TXNL4A: variants seen among roughly 807,000 people sequenced by gnomAD.
TXNL4A encodes thioredoxin like 4A.
A neutral mutation model predicts 14.6 loss-of-function variants in TXNL4A; 17 were observed. The ratio of observed to expected loss-of-function variants is 1.16; its 90% CI spans 0.80 to 1.74. The LOEUF is 1.74. Ranked by LOEUF, TXNL4A falls within the 40% of genes most tolerant of loss-of-function variation. The pLI is 0.00. For missense variants in TXNL4A, 74 were observed against 195.2 expected (o/e 0.38, Z 3.70); for synonymous variants, 83 against 70.6 (o/e 1.18, Z -0.88).
chr18:79,991,697 C>T (rs1282843583), upstream of TXNL4A, among the ~76,000 whole-genome samples: 7 of 152,336 alleles, frequency 4.6e-5, no homozygotes, highest in East Asian at 1.3e-3. Context: ...AAATTGGCTA[C>T]ACCATTTTAC....
intron 1 of TXNL4A, among the ~76,000 whole-genome samples, chr18:80,010,824 T>C (rs376654864): frequency 1.5e-3 from 221 of 152,284 alleles, no homozygotes; most frequent in African/African-American, 5.1e-3. Context: ...CTATTTTATG[T>C]GGGGATAAGG....
intron 2 of TXNL4A, 130 bp from the exon 3 acceptor site, chr18:79,973,986 G>C: frequency 8.0e-7 from 1 of 1,250,236 alleles, no homozygotes; most frequent in Non-Finnish European, 1.1e-6. Context: ...ATAAAATCGA[G>C]AGTGTATGCC....
intron 1 of TXNL4A, among the ~76,000 whole-genome samples, chr18:80,002,824 C>T (rs919530): frequency 0.78 from 119,461 of 152,234 alleles, 47,601 homozygotes; most frequent in East Asian, 0.91. Context: ...TCCTGGCTTT[C>T]CACTTCACGG....
rs2051293082 is a variant in TXNL4A, at chr18:79,970,819, G to A, written c.*2866C>T. 9.6e-6 allele frequency: 2 copies of A among 208,998 alleles called. No individual in the cohort carries two copies. Among genetic ancestry groups the A allele is most frequent in the South Asian group, 1.3e-4 (1 of 7,700 alleles). 12.9% of individuals were successfully genotyped at this position (208,998 alleles called of 1,614,324 possible). A position where few individuals can be genotyped will look rare whatever the true frequency, so the allele number is the denominator to read the frequency against. ...TACAATAAACTTACAAATGTGGAATGTAATTATTTTATCTTTTTCTGGTAA... is the reference window on the plus strand; with the variant it reads ...TACAATAAACTTACAAATGTGGAATATAATTATTTTATCTTTTTCTGGTAA... On this transcript the variant is annotated 3_prime_UTR_variant, in exon 3 of 3. Transcript: ENST00000269601.
chr18:79,984,366 A>G (rs1035928613), intron 1 of TXNL4A, among the ~76,000 whole-genome samples: 1 of 151,420 alleles, frequency 6.6e-6, no homozygotes, highest in African/African-American at 2.4e-5. Context: ...GGCTGAGGTG[A>G]CTGGCTCACT....
intron 1 of TXNL4A, among the ~76,000 whole-genome samples, chr18:80,028,719 T>C (rs924520693): frequency 1.3e-5 from 2 of 152,240 alleles, no homozygotes; most frequent in Admixed American, 1.3e-4. Context: ...TGGTTGTCAA[T>C]TGGCAAAATA....
chr18:79,980,366 C>G (rs1407577052), intron 1 of TXNL4A, among the ~76,000 whole-genome samples: 3 of 152,198 alleles, frequency 2.0e-5, no homozygotes, highest in Non-Finnish European at 1.5e-5. Context: ...ATATGCACAA[C>G]ATTTCTTCAT....
At position 80,023,891 on chromosome 18, in the gene TXNL4A, G is replaced by A. The variant is rs1252723512; in HGVS notation, c.-61+9960C>T. Among the ~76,000 whole-genome samples, 4 of 152,284 alleles carry A rather than the reference G, an allele frequency of 2.6e-5. No homozygotes were observed. The East Asian group carries it at 5.8e-4, about 22-fold the overall frequency. On this transcript the variant is annotated intron_variant, in intron 1 of 2. Coordinates refer to the TXNL4A transcript ENST00000585474. ...ATTTGAAGCCCTCAAAGTCATCTCT[G>A]AAGAAAAGCATAGGCCTGTCTCCTG... is the stretch of plus-strand genomic sequence containing the variant.
intron 1 of TXNL4A, among the ~76,000 whole-genome samples, chr18:80,002,986 G>C (rs534912446): frequency 1.3e-5 from 2 of 152,334 alleles, no homozygotes; most frequent in African/African-American, 4.8e-5. Flanking sequence ...ATGTCCTCAG[G>C]TGAGTCCAAG....
intron 1 of TXNL4A, among the ~76,000 whole-genome samples, chr18:80,032,136 C>A (rs2051925504): frequency 6.6e-6 from 1 of 151,920 alleles, no homozygotes; most frequent in Non-Finnish European, 1.5e-5. Flanking sequence ...TTCTTTTTTT[C>A]CTCTTTTTTC....
chr18:80,015,759 CATT>C (rs1405495189), intron 1 of TXNL4A, among the ~76,000 whole-genome samples: 4 of 150,588 alleles, frequency 2.7e-5, no homozygotes, highest in African/African-American at 9.8e-5. Flanking sequence ...TCCAGTCTGT[CATT>C]GTTGGATATT....
upstream of TXNL4A, among the ~76,000 whole-genome samples, chr18:79,989,151 A>T (rs980997045): frequency 7.3e-5 from 11 of 151,658 alleles, no homozygotes; most frequent in Middle Eastern, 3.4e-3. Context: ...AAGAAAAAAA[A>T]TTTTTTTTTG....
At chr18:79,987,464 T>C (rs560159290) in intron 1 of TXNL4A, among the ~76,000 whole-genome samples, 8 of 151,992 alleles carry the variant, frequency 5.3e-5, no homozygotes, top group African/African-American at 1.2e-4. Context: ...AAATTACTTA[T>C]GGAAAATTAA....
intron 1 of TXNL4A, among the ~76,000 whole-genome samples, chr18:79,981,934 C>T (rs1484887860): frequency 6.9e-6 from 1 of 144,272 alleles, no homozygotes; most frequent in South Asian, 2.2e-4. Context: ...TCTTTCAACA[C>T]CTCTAAATAG....
rs114923814 is a variant in TXNL4A, at chr18:79,985,409, C to T, written c.153+2831G>A. ...TTGGGACCACAGGCACATGCCACAA[C>T]GCCTAGCTAATGTTTGCATTTTTTG... On this transcript the variant is annotated intron_variant, in intron 1 of 2. Coordinates refer to ENST00000269601, the MANE Select transcript of TXNL4A (RefSeq NM_006701.5). 8.5e-3 allele frequency among the ~76,000 whole-genome samples: 1,292 copies of T among 151,938 alleles called. 16 individuals carry two copies. Among genetic ancestry groups the T allele is most frequent in the South Asian group, 0.028 (136 of 4,804 alleles).
intron 1 of TXNL4A, among the ~76,000 whole-genome samples, chr18:80,004,393 CCA>C (rs1390103061): frequency 1.3e-5 from 2 of 152,168 alleles, no homozygotes; most frequent in Admixed American, 1.3e-4. Flanking sequence ...GGTGCCTCTC[CCA>C]CCTTACCTGT....
intron 2 of TXNL4A, 146 bp downstream of exon 2, chr18:79,977,452 A>C: frequency 1.5e-6 from 1 of 657,676 alleles, no homozygotes; most frequent in Non-Finnish European, 2.7e-6. Context: ...AAAGATTCAC[A>C]CTGATTGCCT....
At position 79,993,893 on chromosome 18, in the gene TXNL4A, A is replaced by G. The variant is rs1599736618; in HGVS notation, c.-60-16192T>C. ...CATATAAGGAGCTGACCCTTCCCAC[A>G]CCTGGAGCCCCTGACACACTTTACC... is the stretch of plus-strand genomic sequence containing the variant. On this transcript the variant is annotated intron_variant, in intron 1 of 2. Coordinates refer to the TXNL4A transcript ENST00000585474. The surrounding 1 kb of genome is among the most constrained non-coding windows in gnomAD (Gnocchi z 4.4). 6.6e-6 allele frequency among the ~76,000 whole-genome samples: 1 copy of G among 152,070 alleles called. No individual in the cohort carries two copies. Among genetic ancestry groups the G allele is most frequent in the African/African-American group, 2.4e-5 (1 of 41,400 alleles).
intron 1 of TXNL4A, among the ~76,000 whole-genome samples, chr18:79,985,563 TTTA>T (rs2051534402): frequency 6.6e-6 from 1 of 152,344 alleles, no homozygotes; most frequent in African/African-American, 2.4e-5. Flanking sequence ...GAAAACTTTA[TTTA>T]TTATTATCAC....
Sources: allele counts gnomAD v4.1 joint callset (sites outside exome capture counted in the v4.1 genomes callset), GRCh38; gene constraint gnomAD v4.1.1; non-coding constraint Gnocchi (gnomAD v3.1); transcripts MANE v1.5; gene names NCBI Gene and HGNC (gene_info 2026-07-23, HGNC 2026-07-21).